Variants in TTLL7 observed in about 807,000 individuals in gnomAD.
TTLL7 encodes tubulin polyglutamylase TTLL7.
Under a neutral mutation model 120.2 loss-of-function variants are expected in TTLL7, and 53 were observed. The observed-to-expected ratio is 0.44, with a 90% CI of 0.35 to 0.55. The LOEUF (loss-of-function observed/expected upper bound fraction) is 0.55. TTLL7 is among the 20% of genes least tolerant of loss of function. TTLL7 has a pLI of 0.00. For missense variants in TTLL7, 803 were observed against 1,054.7 expected, an observed-to-expected ratio of 0.76 and a Z score of 3.31; for synonymous variants, 353 against 351.7, an observed-to-expected ratio of 1.00 and a Z score of -0.04.
At chr1:83,979,110 C>A (rs1030682616) in intron 1 of TTLL7, 1 of 152,150 alleles carries the variant, frequency 6.6e-6, no homozygotes, top group African/African-American at 2.4e-5. Context: ...TTCACGAAGA[C>A]CATGGTATTG....
chr1:83,898,262 A>G lies in TTLL7; in HGVS notation c.2208+5817T>C, dbSNP rs373268347. On this transcript the variant is annotated intron_variant, in intron 18 of 20. Coordinates refer to ENST00000260505, the MANE Select transcript of TTLL7 (RefSeq NM_024686.6). ...ATACCCCATATGAAGAATTCTTAGTAAAATAAAATACATCAGAGAAACAGT... is the reference window on the plus strand; with the variant it reads ...ATACCCCATATGAAGAATTCTTAGTGAAATAAAATACATCAGAGAAACAGT... Among the ~76,000 whole-genome samples the G allele has an allele frequency of 2.2e-4, 34 of 152,164 alleles. No homozygotes were observed. In the South Asian group the frequency reaches 5.8e-3, roughly 26 times the overall value.
chr1:83,960,563 C>T (rs1649923789), intron 1 of TTLL7, among the ~76,000 whole-genome samples: 1 of 151,854 alleles, frequency 6.6e-6, no homozygotes, highest in African/African-American at 2.4e-5. Flanking sequence ...GACAGAAGAG[C>T]CAGTTTGAGG....
At chr1:83,990,637 T>C (rs1652912483) in intron 1 of TTLL7, among the ~76,000 whole-genome samples, 1 of 152,172 alleles carries the variant, frequency 6.6e-6, no homozygotes, top group African/African-American at 2.4e-5. Flanking sequence ...GAAATACAAA[T>C]CAAATCTGTA....
chr1:83,992,859 T>C (rs1653135688), intron 1 of TTLL7, among the ~76,000 whole-genome samples: 1 of 149,896 alleles, frequency 6.7e-6, no homozygotes, highest in Admixed American at 6.7e-5. Flanking sequence ...AACTAGCATG[T>C]ATTTGTTAGT....
At position 83,911,179 on chromosome 1, in the gene TTLL7, A is replaced by C; in HGVS notation, c.1772T>G (p.Leu591Ter). 6.2e-7 allele frequency: 1 copy of C among 1,609,284 alleles called. No homozygotes were observed. The highest frequency in any genetic ancestry group is 8.5e-7 in the Non-Finnish European group (1 of 1,176,318). Residue 591 changes from leucine to a stop codon, truncating the protein, a stop_gained, in exon 15 of 21, where the codon TTA (leucine) becomes TGA (stop). Coordinates refer to ENST00000260505, the MANE Select transcript of TTLL7 (RefSeq NM_024686.6). LOFTEE classifies it high-confidence loss of function. ...YNLKPSNHYKLIQQPSSIRRS... is the reference protein window; with the variant it reads ...YNLKPSNHYK The stretch of plus-strand genomic sequence containing the variant: ...AATTGACTTACTGGGTTGTTGAATT[A>C]ATTTGTAGTGGTTGGAGGGTTTAAG...
chr1:83,969,993 T>TA (rs1318777561), intron 1 of TTLL7, among the ~76,000 whole-genome samples: 2 of 152,042 alleles, frequency 1.3e-5, no homozygotes, highest in African/African-American at 2.4e-5. Context: ...ATTCACTGTC[T>TA]ACCTGCTTCA....
Position 83,885,590 on chromosome 1 carries a change from A to G in TTLL7, c.2370-2454T>C, listed in dbSNP as rs1654904729. Reference sequence around the variant, plus strand: ...TGTATATTTACCACTACTAGCCAAGAGTAAATTCTACTCTATATATTAATC... The same window carrying G: ...TGTATATTTACCACTACTAGCCAAGGGTAAATTCTACTCTATATATTAATC... On this transcript the variant is annotated intron_variant, in intron 19 of 20. Transcript: ENST00000260505. Among the ~76,000 whole-genome samples the G allele has an allele frequency of 3.9e-5, 6 of 152,066 alleles. No homozygotes were observed. The South Asian group carries it at 1.2e-3, about 31-fold the overall frequency.
chr1:83,873,477 A>G (rs1049781993), intron 20 of TTLL7, among the ~76,000 whole-genome samples: 1 of 152,168 alleles, frequency 6.6e-6, no homozygotes, highest in African/African-American at 2.4e-5. Context: ...ATTTGTGTAA[A>G]GCACTAAAAA....
intron 19 of TTLL7, among the ~76,000 whole-genome samples, chr1:83,883,475 G>A (rs994205034): frequency 3.3e-5 from 5 of 151,742 alleles, no homozygotes; most frequent in Non-Finnish European, 7.4e-5. Flanking sequence ...CTACAGCCTC[G>A]AACTCCTGGC....
At chr1:83,890,540 A>G (rs1655380612) in intron 18 of TTLL7, 59 bp from the exon 19 acceptor site, 1 of 1,430,792 alleles carries the variant, frequency 7.0e-7, no homozygotes, top group Non-Finnish European at 9.6e-7. Context: ...CTAAAATTCA[A>G]AGATGTAGCT....
chr1:83,965,792 CTT>C (rs1650406644), intron 1 of TTLL7, among the ~76,000 whole-genome samples: 1 of 152,076 alleles, frequency 6.6e-6, no homozygotes, highest in Non-Finnish European at 1.5e-5. Context: ...ATTTCAAACT[CTT>C]CTTTCTCATC....
rs369287961 is a variant in TTLL7, at chr1:83,919,591, T to C, written c.1500+108A>G. The C allele has an allele frequency of 6.5e-4, 660 of 1,021,906 alleles. 9 individuals carry two copies. In the South Asian group the frequency reaches 0.014, roughly 22 times the overall value. The allele number at this position is 1,021,906 out of a possible 1,614,324, so 63.3% of individuals were successfully genotyped here. A position where few individuals can be genotyped will look rare whatever the true frequency, so the allele number is the denominator to read the frequency against. On this transcript the variant is annotated intron_variant, in intron 13 of 20. Coordinates refer to ENST00000260505, the MANE Select transcript of TTLL7 (RefSeq NM_024686.6). ...TAAAATAGAAAGCTTGGGGAAAGCATATCTTAAAAGTAAAATGTTTTTATA... is the reference window on the plus strand; with the variant it reads ...TAAAATAGAAAGCTTGGGGAAAGCACATCTTAAAAGTAAAATGTTTTTATA...
At chr1:83,984,523 C>T (rs944213638) in intron 1 of TTLL7, among the ~76,000 whole-genome samples, 2 of 152,158 alleles carry the variant, frequency 1.3e-5, no homozygotes, top group African/African-American at 2.4e-5. Context: ...TGAAATCAAC[C>T]GAGGTGCCCA....
intron 18 of TTLL7, among the ~76,000 whole-genome samples, chr1:83,901,704 A>G (rs1656740495): frequency 6.6e-6 from 1 of 151,974 alleles, no homozygotes; most frequent in African/African-American, 2.4e-5. Context: ...TCTACGTGGC[A>G]CATGGCAGGA....
intron 10 of TTLL7, among the ~76,000 whole-genome samples, chr1:83,926,073 A>G (rs1171354547): frequency 1.3e-5 from 2 of 150,300 alleles, no homozygotes; most frequent in African/African-American, 2.4e-5. Context: ...GTGAACCAAG[A>G]GCGCGCCACT....
At chr1:83,907,231 C>T (rs184757439) in intron 16 of TTLL7, among the ~76,000 whole-genome samples, 352 of 152,164 alleles carry the variant, frequency 2.3e-3, no homozygotes, top group African/African-American at 7.8e-3. Flanking sequence ...TAAAATAATG[C>T]TATTCTCAGT....
intron 8 of TTLL7, among the ~76,000 whole-genome samples, chr1:83,935,325 C>A (rs1387935614): frequency 1.3e-5 from 2 of 151,878 alleles, no homozygotes; most frequent in Non-Finnish European, 2.9e-5. Flanking sequence ...ATCAACAGAC[C>A]CTGAATTACA....
chr1:83,951,221 C>A (rs867193677), intron 3 of TTLL7, among the ~76,000 whole-genome samples: 1 of 151,866 alleles, frequency 6.6e-6, no homozygotes, highest in Admixed American at 6.6e-5. Context: ...TGGTGGCGGG[C>A]GCCTGTAGTC....
At chr1:83,980,649 C>T (rs1651870899) in intron 1 of TTLL7, 1 of 152,056 alleles carries the variant, frequency 6.6e-6, no homozygotes. Flanking sequence ...AGGAAGCTCT[C>T]TTAACACAAA....
Sources: gnomAD v4.1 joint callset for allele counts (sites outside exome capture counted in the v4.1 genomes callset) on GRCh38, gnomAD v4.1.1 for gene constraint, MANE v1.5 for transcripts, NCBI Gene and HGNC (gene_info 2026-07-23, HGNC 2026-07-21) for gene names.